The following CAP2 variants were observed in gnomAD, a reference collection of about 807,000 sequenced individuals.
The protein encoded by CAP2 is cyclase associated actin cytoskeleton regulatory protein 2.
A neutral mutation model predicts 57.7 loss-of-function variants in CAP2; 24 were observed. The observed-to-expected ratio is 0.42, with a 90% CI of 0.30 to 0.58. The LOEUF is 0.58. CAP2 is among the 20% of genes least tolerant of loss of function. The pLI, the probability that CAP2 is intolerant of heterozygous loss-of-function variation, is 0.22. For synonymous variants in CAP2, 194 were observed against 207.2 expected (o/e 0.94, Z 0.55); for missense variants, 501 against 590.3 (o/e 0.85, Z 1.57).
intron 7 of CAP2, chr6:17,536,358 C>A (rs919858861): frequency 2.2e-6 from 1 of 451,364 alleles, no homozygotes; most frequent in Admixed American, 2.4e-5. Flanking sequence ...CACCTGAATG[C>A]TAATTGAAAA....
At chr6:17,491,596 C>T (rs763853476) in intron 4 of CAP2, among the ~76,000 whole-genome samples, 7 of 152,138 alleles carry the variant, frequency 4.6e-5, no homozygotes, top group Non-Finnish European at 8.8e-5. Context: ...CTAGTGTGAA[C>T]GATACGGTTT....
intron 1 of CAP2, among the ~76,000 whole-genome samples, chr6:17,414,845 G>T (rs1759236390): frequency 6.6e-6 from 1 of 152,156 alleles, no homozygotes; most frequent in South Asian, 2.1e-4. Flanking sequence ...CTTCCGCAGT[G>T]GTTGAACTAA....
chr6:17,525,085 T>C lies in CAP2; in HGVS notation c.636+11131T>C, dbSNP rs547583227. Among the ~76,000 whole-genome samples the C allele has an allele frequency of 3.3e-5, 5 of 151,750 alleles. No homozygotes were observed. In the South Asian group the frequency reaches 1.0e-3, roughly 32 times the overall value. On this transcript the variant is annotated intron_variant, in intron 7 of 12. Coordinates refer to ENST00000229922, the MANE Select transcript of CAP2 (RefSeq NM_006366.3). Reference sequence around the variant, plus strand: ...CTACTTTTTGTACTTTTTTTAAAAATAGAAATGGGGTTTCACCATGTTGGC... The same window carrying C: ...CTACTTTTTGTACTTTTTTTAAAAACAGAAATGGGGTTTCACCATGTTGGC...
At chr6:17,415,040 C>T (rs771404629) in intron 1 of CAP2, among the ~76,000 whole-genome samples, 1 of 152,102 alleles carries the variant, frequency 6.6e-6, no homozygotes, top group Non-Finnish European at 1.5e-5. Flanking sequence ...TTCTTGGCCA[C>T]GTAAATGTCT....
rs554411160 is a variant in CAP2 at position 17,446,448 on chromosome 6, A to G, written c.223-16548A>G. 2.0e-5 allele frequency among the ~76,000 whole-genome samples: 3 copies of G among 152,334 alleles called. No individual in the cohort carries two copies. The South Asian group carries it at 6.2e-4, about 32-fold the overall frequency. On this transcript the variant is annotated intron_variant, in intron 3 of 12. Coordinates refer to ENST00000229922, the MANE Select transcript of CAP2 (RefSeq NM_006366.3). Reference sequence around the variant, plus strand: ...GTGCTTAGCAACCATTATTGGGGTTACCTTGGAATTCACGAGTGGGACAAA... The same window carrying G: ...GTGCTTAGCAACCATTATTGGGGTTGCCTTGGAATTCACGAGTGGGACAAA...
intron 4 of CAP2, among the ~76,000 whole-genome samples, chr6:17,501,037 CT>C (rs1269574513): frequency 2.0e-5 from 3 of 152,110 alleles, no homozygotes; most frequent in African/African-American, 7.2e-5. Context: ...TACTTTAATG[CT>C]TTTAAGTTTG....
Sources: allele counts gnomAD v4.1 joint callset (sites outside exome capture counted in the v4.1 genomes callset), GRCh38; gene constraint gnomAD v4.1.1; transcripts MANE v1.5; gene names NCBI Gene and HGNC (gene_info 2026-07-23, HGNC 2026-07-21).